Variants in TMTC1 observed in about 807,000 individuals in gnomAD.
The protein encoded by TMTC1 is protein O-mannosyl-transferase TMTC1.
In TMTC1, 73 loss-of-function variants were observed where a neutral mutation model predicts 104.8. The observed-to-expected ratio is 0.70, with a 90% CI of 0.58 to 0.85. The LOEUF is 0.85. TMTC1 is among the 40% of genes least tolerant of loss of function. TMTC1 has a pLI of 0.00. For missense variants in TMTC1, 1,035 were observed against 1,096.1 expected (o/e 0.94, Z 0.79); for synonymous variants, 434 against 428.7 (o/e 1.01, Z -0.15).
At chr12:29,688,201 G>C (rs1376204748) in intron 5 of TMTC1, among the ~76,000 whole-genome samples, 9 of 152,070 alleles carry the variant, frequency 5.9e-5, no homozygotes, top group Non-Finnish European at 1.3e-4. Flanking sequence ...AATTATTGAA[G>C]GATGTAACCA....
chr12:29,566,553 C>T lies in TMTC1; in HGVS notation c.1532+5552G>A, dbSNP rs191640384. 1.1e-4 allele frequency among the ~76,000 whole-genome samples: 17 copies of T among 152,264 alleles called. No homozygotes were observed. In the East Asian group the frequency reaches 2.3e-3, roughly 21 times the overall value. ...GCCACCCCACTGAAGATCCCTGGGGCTGCTGTATTGAGAACAGACTGAAGG... is the reference window on the plus strand; with the variant it reads ...GCCACCCCACTGAAGATCCCTGGGGTTGCTGTATTGAGAACAGACTGAAGG... On this transcript the variant is annotated intron_variant, in intron 9 of 17. Coordinates refer to ENST00000539277, the MANE Select transcript of TMTC1 (RefSeq NM_001193451.2).
chr12:29,733,278 C>T (rs192218383), intron 5 of TMTC1, among the ~76,000 whole-genome samples: 19 of 152,224 alleles, frequency 1.2e-4, no homozygotes, highest in Admixed American at 8.5e-4. Context: ...GTGTGGGTGG[C>T]GGAAGTAGGC....
intron 1 of TMTC1, among the ~76,000 whole-genome samples, chr12:29,775,364 A>T (rs1364749494): frequency 1.3e-5 from 2 of 152,134 alleles, no homozygotes; most frequent in Non-Finnish European, 2.9e-5. Context: ...CATCAGCCAC[A>T]AGTTCCTCAG....
intron 5 of TMTC1, among the ~76,000 whole-genome samples, chr12:29,690,051 GA>G (rs1382630364): frequency 2.0e-5 from 3 of 152,144 alleles, no homozygotes; most frequent in Non-Finnish European, 4.4e-5. Flanking sequence ...ATCAGATAAT[GA>G]AATAAATGGA....
intron 5 of TMTC1, among the ~76,000 whole-genome samples, chr12:29,642,245 G>A (rs770697874): frequency 1.2e-4 from 18 of 152,232 alleles, no homozygotes; most frequent in Non-Finnish European, 2.1e-4. Context: ...AAAGAACACC[G>A]GGAAATTCAT....
At chr12:29,572,463 T>C (rs1945705896) in intron 8 of TMTC1, among the ~76,000 whole-genome samples, 1 of 152,216 alleles carries the variant, frequency 6.6e-6, no homozygotes, top group South Asian at 2.1e-4. Context: ...TAACTGTGTA[T>C]GAACAAAATG....
chr12:29,574,467 T>C (rs1393049089), intron 8 of TMTC1, among the ~76,000 whole-genome samples: 1 of 152,212 alleles, frequency 6.6e-6, no homozygotes, highest in African/African-American at 2.4e-5. Context: ...ACTGGTCATC[T>C]CAGGCTGCCA....
At chr12:29,523,747 G>A (rs933926457) in intron 11 of TMTC1, among the ~76,000 whole-genome samples, 1 of 152,096 alleles carries the variant, frequency 6.6e-6, no homozygotes, top group Non-Finnish European at 1.5e-5. Flanking sequence ...GGACCTCTCT[G>A]TGTTGGAATC....
intron 8 of TMTC1, among the ~76,000 whole-genome samples, chr12:29,574,584 T>C (rs1292629495): frequency 2.0e-5 from 3 of 152,214 alleles, no homozygotes; most frequent in African/African-American, 7.2e-5. Flanking sequence ...AAGTTATGGC[T>C]GATTCGGTTT....
chr12:29,583,003 C>T (rs558531157), intron 8 of TMTC1, among the ~76,000 whole-genome samples: 60 of 152,294 alleles, frequency 3.9e-4, no homozygotes, highest in African/African-American at 1.3e-3. Flanking sequence ...CAGATCACAG[C>T]GTATCATGCT....
intron 7 of TMTC1, among the ~76,000 whole-genome samples, chr12:29,601,014 C>T (rs1001588099): frequency 3.3e-5 from 5 of 152,164 alleles, no homozygotes; most frequent in African/African-American, 9.7e-5. Context: ...TGAAGCAAAA[C>T]CGAGGTTGGT....
intron 16 of TMTC1, 96 bp from the exon 17 acceptor site, chr12:29,512,216 T>A: frequency 3.1e-6 from 3 of 977,536 alleles, no homozygotes; most frequent in Non-Finnish European, 3.0e-6. Context: ...TTTAAAGTAG[T>A]AATACAATGA....
chr12:29,762,708 C>T (rs1170715616), intron 2 of TMTC1, among the ~76,000 whole-genome samples: 1 of 152,226 alleles, frequency 6.6e-6, no homozygotes, highest in East Asian at 1.9e-4. Context: ...GTACCACATG[C>T]TGTTCATTGA....
intron 5 of TMTC1, among the ~76,000 whole-genome samples, chr12:29,638,328 T>C (rs61535486): frequency 0.038 from 5,709 of 151,812 alleles, 341 homozygotes; most frequent in African/African-American, 0.13. Flanking sequence ...TGGCAGGACA[T>C]TGATGGCTGA....
intron 5 of TMTC1, among the ~76,000 whole-genome samples, chr12:29,713,218 AG>A (rs1236414823): frequency 6.6e-6 from 1 of 151,726 alleles, no homozygotes; most frequent in Non-Finnish European, 1.5e-5. Flanking sequence ...CCAGCCTGCA[AG>A]TCTGCCCTGC....
chr12:29,716,142 C>T (rs1187996343), intron 5 of TMTC1, among the ~76,000 whole-genome samples: 1 of 151,938 alleles, frequency 6.6e-6, no homozygotes, highest in Non-Finnish European at 1.5e-5. Context: ...CCTTAGCCTC[C>T]CCAGTAGCTA....
chr12:29,648,478 A>G (rs1385293984), intron 5 of TMTC1, among the ~76,000 whole-genome samples: 1 of 152,174 alleles, frequency 6.6e-6, no homozygotes, highest in African/African-American at 2.4e-5. Context: ...GTGCAATAAA[A>G]TCTTCCCACC....
chr12:29,602,107 T>G (rs577243329), intron 7 of TMTC1, among the ~76,000 whole-genome samples: 2 of 152,026 alleles, frequency 1.3e-5, no homozygotes, highest in African/African-American at 4.8e-5. Flanking sequence ...GTGCTGAGAT[T>G]ACAGGCTTGA....
At position 29,591,442 on chromosome 12, in the gene TMTC1, C is replaced by T. The variant is rs754557667; in HGVS notation, c.1251-7868G>A. On this transcript the variant is annotated intron_variant, in intron 7 of 17. Transcript: ENST00000539277. ...CTGCTGATCAGAGACCTTCACTACA[C>T]GCACAAAAGAGCCAGTGCAAACACT... Among the ~76,000 whole-genome samples, 4 of 152,266 alleles carry T rather than the reference C, an allele frequency of 2.6e-5. 1 individual carries two copies. The highest frequency in any genetic ancestry group is 3.9e-4 in the East Asian group (2 of 5,190).
Sources: gnomAD v4.1 joint callset for allele counts (sites outside exome capture counted in the v4.1 genomes callset) on GRCh38, gnomAD v4.1.1 for gene constraint, MANE v1.5 for transcripts, NCBI Gene and HGNC (gene_info 2026-07-23, HGNC 2026-07-21) for gene names.